Variants in NHSL2 observed in about 807,000 individuals in gnomAD.
The protein encoded by NHSL2 is NHS-like protein 2.
A neutral mutation model predicts 53.4 loss-of-function variants in NHSL2; 27 were observed. The ratio of observed to expected loss-of-function variants is 0.51; its 90% CI spans 0.37 to 0.70. The LOEUF is 0.70. Ranked by LOEUF, NHSL2 falls within the 30% of genes least tolerant of loss-of-function variation. NHSL2 has a pLI of 0.00. For missense variants in NHSL2, 892 were observed against 980.1 expected, an observed-to-expected ratio of 0.91 and a Z score of 1.20; for synonymous variants, 408 against 404.1, an observed-to-expected ratio of 1.01 and a Z score of -0.12.
chrX:72,107,257 A>T (rs1602374003), intron 1 of NHSL2, among the ~76,000 whole-genome samples: 2 of 111,188 alleles, frequency 1.8e-5, no homozygotes, highest in East Asian at 2.8e-4. Flanking sequence ...CCCCGTCTCT[A>T]CTAAAAATAC....
In NHSL2 at chrX:72,147,397, T is replaced by C. The variant is rs1437790517; in HGVS notation, c.*3823T>C. On this transcript the variant is annotated 3_prime_UTR_variant, in exon 8 of 8. Coordinates refer to ENST00000633930, the MANE Select transcript of NHSL2 (RefSeq NM_001013627.3). ...GTGATTTGCACTCTTTAAAGTAATA[T>C]CAGTTTATCTTCTTCCTATGAACAA... 2 of 112,340 alleles carry C rather than the reference T, an allele frequency of 1.8e-5. No individual in the cohort carries two copies. Among genetic ancestry groups the C allele is most frequent in the African/African-American group, 6.5e-5 (2 of 30,905 alleles). 9.3% of individuals were successfully genotyped at this position (112,340 alleles called of 1,213,427 possible).
chrX:72,121,658 C>G (rs1395659620), intron 1 of NHSL2, among the ~76,000 whole-genome samples: 1 of 111,955 alleles, frequency 8.9e-6, no homozygotes, highest in Non-Finnish European at 1.9e-5. Flanking sequence ...AGCTTGTCCC[C>G]GTAGCTGACA....
At chrX:72,112,584 A>G (rs1342404313) in intron 1 of NHSL2, among the ~76,000 whole-genome samples, 1 of 112,402 alleles carries the variant, frequency 8.9e-6, no homozygotes, top group Non-Finnish European at 1.9e-5. Context: ...ATCTGGACAT[A>G]TCATAGAAAT....
chrX:72,062,968 G>A (rs1203697788), intron 1 of NHSL2, among the ~76,000 whole-genome samples: 1 of 111,991 alleles, frequency 8.9e-6, no homozygotes, highest in Non-Finnish European at 1.9e-5. Context: ...TCACTGTCCG[G>A]ATGGAAACTA....
intron 1 of NHSL2, among the ~76,000 whole-genome samples, chrX:72,101,398 C>T (rs952594147): frequency 4.5e-5 from 5 of 110,592 alleles, no homozygotes; most frequent in Non-Finnish European, 7.6e-5. Context: ...TGGCCTGAGT[C>T]AGGCCAGGTT....
chrX:72,073,547 G>T (rs1326456956), intron 1 of NHSL2, among the ~76,000 whole-genome samples: 2 of 112,191 alleles, frequency 1.8e-5, no homozygotes, highest in South Asian at 3.7e-4. Flanking sequence ...ATAGAGAAGA[G>T]AAAGAGAGTT....
intron 1 of NHSL2, among the ~76,000 whole-genome samples, chrX:72,046,046 T>C (rs1181407784): frequency 8.9e-6 from 1 of 111,977 alleles, no homozygotes; most frequent in African/African-American, 3.3e-5. Context: ...TCATGGCCAA[T>C]GAAAATCAAG....
At chrX:72,141,015 C>T (rs7392389) in intron 6 of NHSL2, 183,128 of 311,903 alleles carry the variant, frequency 0.59, 46,663 homozygotes, top group Non-Finnish European at 0.73. Context: ...CCCTCTAAAT[C>T]TCTAGTGCTG....
intron 1 of NHSL2, among the ~76,000 whole-genome samples, chrX:72,035,508 C>A (rs1315046596): frequency 2.7e-5 from 3 of 111,408 alleles, no homozygotes; most frequent in Non-Finnish European, 5.7e-5. Flanking sequence ...GTCCTTTCAG[C>A]TCTCTCAGTT....
rs1224284117 is a variant in NHSL2, at chrX:71,969,298, C to CTTTTTTTCTTTTT, written c.280+57952_280+57964dup. Among the ~76,000 whole-genome samples, 75 of 90,506 alleles carry CTTTTTTTCTTTTT rather than the reference C, an allele frequency of 8.3e-4. 1 individual carries two copies. The highest frequency in any genetic ancestry group is 3.0e-3 in the African/African-American group (72 of 23,814). 78.6% of individuals were successfully genotyped at this position (90,506 alleles called of 115,157 possible). A position where few individuals can be genotyped will look rare whatever the true frequency, so the allele number is the denominator to read the frequency against. ...ATGCTTTTGTAAGTTGAACGGTTTTCTTTTTTTCTTTTTTTTTTTTCTTTT... is the reference window on the plus strand; with the variant it reads ...ATGCTTTTGTAAGTTGAACGGTTTTCTTTTTTTCTTTTTTTTTTTTCTTTTTTTTTTTTCTTTT... On this transcript the variant is annotated intron_variant, in intron 1 of 7. Transcript: ENST00000633930.
chrX:72,018,350 G>A (rs183595315), intron 1 of NHSL2, among the ~76,000 whole-genome samples: 6 of 111,991 alleles, frequency 5.4e-5, no homozygotes, highest in African/African-American at 1.9e-4. Context: ...CCGTTCCCCC[G>A]CCCAGTTTCC....
intron 1 of NHSL2, among the ~76,000 whole-genome samples, chrX:71,998,171 G>A (rs1316561404): frequency 8.9e-6 from 1 of 112,160 alleles, no homozygotes; most frequent in Non-Finnish European, 1.9e-5. Context: ...ACTCCTAAGG[G>A]CCAGGCCCTG....
At chrX:72,025,440 C>G (rs1195845248) in intron 1 of NHSL2, among the ~76,000 whole-genome samples, 1 of 111,848 alleles carries the variant, frequency 8.9e-6, no homozygotes, top group African/African-American at 3.3e-5. Flanking sequence ...CCTCCCAACT[C>G]CAGGAACTCG....
intron 1 of NHSL2, among the ~76,000 whole-genome samples, chrX:72,096,542 T>G (rs1309268948): frequency 8.9e-6 from 1 of 112,361 alleles, no homozygotes; most frequent in Non-Finnish European, 1.9e-5. Flanking sequence ...TATATGGCAT[T>G]CTAGCTTTAT....
chrX:72,047,004 C>T (rs774115213), intron 1 of NHSL2, among the ~76,000 whole-genome samples: 1 of 111,615 alleles, frequency 9.0e-6, no homozygotes, highest in Non-Finnish European at 1.9e-5. Flanking sequence ...GTGGCAGAGC[C>T]GGAATTAAAA....
In NHSL2 at chrX:71,910,972, G is replaced by T. The variant is rs1172205534; in HGVS notation, c.-116G>T. The T allele has an allele frequency of 7.2e-6, 4 of 553,417 alleles. No homozygotes were observed. Among genetic ancestry groups the T allele is most frequent in the Non-Finnish European group, 9.7e-6 (4 of 413,243 alleles). 45.6% of individuals were successfully genotyped at this position (553,417 alleles called of 1,213,427 possible). On this transcript the variant is annotated 5_prime_UTR_variant, in exon 1 of 8. Transcript: ENST00000633930. The stretch of plus-strand genomic sequence containing the variant: ...CACGCTCTCCGGCCCGCGCCCAGGG[G>T]CCTGCTACACCCGGAGCTGGGGCCG...
chrX:71,943,895 G>A (rs1243496112), intron 1 of NHSL2, among the ~76,000 whole-genome samples: 1 of 111,958 alleles, frequency 8.9e-6, no homozygotes, highest in African/African-American at 3.2e-5. Flanking sequence ...TTCATCCTAC[G>A]CTTGTTGCCT....
intron 1 of NHSL2, among the ~76,000 whole-genome samples, chrX:71,943,829 A>G (rs2041780088): frequency 8.9e-6 from 1 of 112,291 alleles, no homozygotes. Context: ...TTTTTTGCAT[A>G]ACAAAAAGTT....
chrX:72,034,018 G>GGGTTTT (rs1325443078), intron 1 of NHSL2, among the ~76,000 whole-genome samples: 1 of 112,029 alleles, frequency 8.9e-6, no homozygotes, highest in Non-Finnish European at 1.9e-5. Flanking sequence ...GTTAGCTGTA[G>GGGTTTT]GGTTTTGTTT....
Sources: gnomAD v4.1 joint callset for allele counts (sites outside exome capture counted in the v4.1 genomes callset) on GRCh38, gnomAD v4.1.1 for gene constraint, MANE v1.5 for transcripts, NCBI Gene and HGNC (gene_info 2026-07-23, HGNC 2026-07-21) for gene names.